EDIL3: variants seen among roughly 807,000 people sequenced by gnomAD.
EDIL3 encodes EGF like and discoidin domains 3.
In EDIL3, 37 loss-of-function variants were observed where a neutral mutation model predicts 67.4. That is an observed-to-expected ratio of 0.55 (90% CI 0.42 to 0.72). The LOEUF is 0.72. EDIL3 is among the 30% of genes least tolerant of loss of function. EDIL3 has a pLI of 0.00. For synonymous variants in EDIL3, 195 were observed against 196.3 expected (o/e 0.99, Z 0.05); for missense variants, 527 against 586.3 (o/e 0.90, Z 1.04).
In EDIL3 at chr5:84,066,568, A is replaced by T. The variant is rs754708387; in HGVS notation, c.690T>A (p.Ile230=). 1 of 1,613,516 alleles carries T rather than the reference A, an allele frequency of 6.2e-7. No homozygotes were observed. Among genetic ancestry groups the T allele is most frequent in the Non-Finnish European group, 8.5e-7 (1 of 1,179,874 alleles). The part of the protein sequence containing the change: ...LQRKMRVTGV[I]TQGAKRIGSP... ...TTCCAATCCTCTTGGCTCCTTGGGT[A>T]ATCACACCAGTAACTCTCATTTTCC... The change falls in exon 7 of 11, where the codon ATT becomes ATA. Residue 230 remains isoleucine, a synonymous_variant. Transcript: ENST00000296591.
rs967031397 is a variant in EDIL3 at position 84,382,387 on chromosome 5, C to T, written c.67+1921G>A. On this transcript the variant is annotated intron_variant, in intron 1 of 10. Coordinates refer to ENST00000296591, the MANE Select transcript of EDIL3 (RefSeq NM_005711.5). ...AGCCGGGACTTGCCGCGCCCCGGGG[C>T]TCCCTCAATCAGACCCAGCCAGGCA... 4.6e-5 allele frequency among the ~76,000 whole-genome samples: 7 copies of T among 152,284 alleles called. No individual in the cohort carries two copies. In the East Asian group the frequency reaches 1.4e-3, roughly 30 times the overall value.
intron 9 of EDIL3, among the ~76,000 whole-genome samples, chr5:84,053,647 A>G (rs1187752084): frequency 2.0e-5 from 3 of 152,232 alleles, no homozygotes; most frequent in Non-Finnish European, 4.4e-5. Flanking sequence ...TCCCACAGAA[A>G]TACAAACTAC....
At chr5:84,130,306 T>C (rs1393321038) in intron 5 of EDIL3, among the ~76,000 whole-genome samples, 1 of 152,190 alleles carries the variant, frequency 6.6e-6, no homozygotes, top group African/African-American at 2.4e-5. Flanking sequence ...TTCATTTCAA[T>C]TACCATTGTT....
chr5:84,138,420 T>C (rs1217613882), intron 4 of EDIL3, among the ~76,000 whole-genome samples: 1 of 152,198 alleles, frequency 6.6e-6, no homozygotes, highest in Non-Finnish European at 1.5e-5. Context: ...GGAAAACTAC[T>C]GAGGCTCAAT....
chr5:84,255,550 G>C (rs1745109086), intron 1 of EDIL3, among the ~76,000 whole-genome samples: 1 of 152,120 alleles, frequency 6.6e-6, no homozygotes, highest in African/African-American at 2.4e-5. Flanking sequence ...TGGACTCAAT[G>C]AGTAAGGGAC....
At chr5:84,270,039 G>A (rs932780900) in intron 1 of EDIL3, among the ~76,000 whole-genome samples, 3 of 152,144 alleles carry the variant, frequency 2.0e-5, no homozygotes, top group African/African-American at 7.2e-5. Context: ...AATCTAGAAG[G>A]ATATGTGCAA....
At chr5:84,054,563 TC>T (rs1460571028) in intron 9 of EDIL3, among the ~76,000 whole-genome samples, 3 of 152,012 alleles carry the variant, frequency 2.0e-5, no homozygotes, top group Non-Finnish European at 2.9e-5. Flanking sequence ...GAAAACCCTA[TC>T]ATCTCAGCCC....
chr5:84,020,569 T>A (rs563914953), intron 9 of EDIL3, among the ~76,000 whole-genome samples: 1 of 151,954 alleles, frequency 6.6e-6, no homozygotes, highest in Non-Finnish European at 1.5e-5. Flanking sequence ...ATTAAAGTGG[T>A]CACCTCTTTT....
intron 2 of EDIL3, among the ~76,000 whole-genome samples, chr5:84,248,027 A>C (rs1211183375): frequency 6.6e-6 from 1 of 152,152 alleles, no homozygotes; most frequent in Non-Finnish European, 1.5e-5. Context: ...TACGACAAAG[A>C]CCATTTTTTA....
intron 9 of EDIL3, among the ~76,000 whole-genome samples, chr5:84,019,840 TG>T (rs1745678804): frequency 6.6e-6 from 1 of 152,096 alleles, no homozygotes; most frequent in African/African-American, 2.4e-5. Flanking sequence ...GCTGAATCTT[TG>T]GTTTAGCTCC....
At chr5:84,186,616 G>A (rs1458949703) in intron 3 of EDIL3, among the ~76,000 whole-genome samples, 2 of 151,828 alleles carry the variant, frequency 1.3e-5, no homozygotes, top group African/African-American at 4.8e-5. Flanking sequence ...TTTCCTAGTG[G>A]CAACATATTA....
chr5:84,180,606 C>A, intron 3 of EDIL3, 85 bp from the exon 4 acceptor site: 2 of 1,386,786 alleles, frequency 1.4e-6, no homozygotes, highest in African/African-American at 1.5e-5. Flanking sequence ...AATAATTTTA[C>A]AGAAAAAAGT....
At chr5:84,067,358 T>C (rs751437799) in intron 6 of EDIL3, among the ~76,000 whole-genome samples, 2 of 152,108 alleles carry the variant, frequency 1.3e-5, no homozygotes, top group Non-Finnish European at 2.9e-5. Context: ...TTTTTGACAC[T>C]TAACACTTAA....
intron 1 of EDIL3, among the ~76,000 whole-genome samples, chr5:84,360,848 T>A (rs997364446): frequency 7.9e-5 from 12 of 152,172 alleles, no homozygotes; most frequent in African/African-American, 2.9e-4. Flanking sequence ...AATGCAAATA[T>A]CATTTCCAAT....
intron 9 of EDIL3, among the ~76,000 whole-genome samples, chr5:84,013,792 T>G (rs1745554807): frequency 6.6e-6 from 1 of 152,188 alleles, no homozygotes; most frequent in South Asian, 2.1e-4. Flanking sequence ...ATTTTGCATA[T>G]CAAACCTGTC....
intron 1 of EDIL3, among the ~76,000 whole-genome samples, chr5:84,355,169 G>T (rs984262919): frequency 6.6e-6 from 1 of 152,078 alleles, no homozygotes; most frequent in Non-Finnish European, 1.5e-5. Context: ...TTTCTTTGAG[G>T]CTTTGTTCAT....
chr5:84,294,254 G>A (rs961747039), intron 1 of EDIL3, among the ~76,000 whole-genome samples: 3 of 151,410 alleles, frequency 2.0e-5, no homozygotes, highest in South Asian at 2.1e-4. Context: ...GCATTGTGGC[G>A]GGCACCTGTA....
At chr5:84,346,264 C>A (rs1747238643) in intron 1 of EDIL3, among the ~76,000 whole-genome samples, 1 of 151,642 alleles carries the variant, frequency 6.6e-6, no homozygotes, top group Non-Finnish European at 1.5e-5. Context: ...CTGCCTCAGC[C>A]TCCCGCAAAC....
At chr5:84,380,532 T>C (rs910900248) in intron 1 of EDIL3, among the ~76,000 whole-genome samples, 4 of 152,112 alleles carry the variant, frequency 2.6e-5, no homozygotes, top group African/African-American at 9.6e-5. Context: ...AGAGATACAA[T>C]GAACCTATTA....
Sources: gnomAD v4.1 joint callset for allele counts (sites outside exome capture counted in the v4.1 genomes callset) on GRCh38, gnomAD v4.1.1 for gene constraint, MANE v1.5 for transcripts, NCBI Gene and HGNC (gene_info 2026-07-23, HGNC 2026-07-21) for gene names.